FKTN: variants seen among roughly 807,000 people sequenced by gnomAD.
FKTN encodes ribitol-5-phosphate transferase FKTN.
A neutral mutation model predicts 58.6 loss-of-function variants in FKTN; 47 were observed. The observed-to-expected ratio is 0.80, with a 90% CI of 0.63 to 1.02. The LOEUF is 1.02. FKTN is among the 50% of genes least tolerant of loss of function. The pLI is 0.00. For synonymous variants in FKTN, 178 were observed against 191.9 expected, an observed-to-expected ratio of 0.93 and a Z score of 0.60; for missense variants, 516 against 537.3, an observed-to-expected ratio of 0.96 and a Z score of 0.39.
chr9:105,607,043 C>T (rs1015655048), intron 6 of FKTN, among the ~76,000 whole-genome samples: 11 of 151,804 alleles, frequency 7.2e-5, no homozygotes, highest in African/African-American at 2.7e-4. Flanking sequence ...TTTTTTAAAG[C>T]TTTGTGAATT....
chr9:105,623,878 G>A lies in FKTN; in HGVS notation c.1172+3817G>A, dbSNP rs529575298. Among the ~76,000 whole-genome samples the A allele has an allele frequency of 1.2e-4, 19 of 152,314 alleles. No individual in the cohort carries two copies. In the South Asian group the frequency reaches 3.7e-3, roughly 30 times the overall value. On this transcript the variant is annotated intron_variant, in intron 10 of 10. Transcript: ENST00000357998. ...AATGGCAAAGAAGTGTGGCTTACAA[G>A]TAGAGAAATTTGTTAGGTAGACTTA...
At position 105,635,054 on chromosome 9, in the gene FKTN, C is replaced by G. The variant is rs1203741361; in HGVS notation, c.1176C>G (p.Tyr392Ter). ...TQAKTGKKFKYLFPKFTLCWT... is the reference protein window; with the variant it reads ...TQAKTGKKFK ...TAATCCCTCTGTTTTGCTGCAGATA[C>G]CTGTTTCCGAAGTTTACACTGTGCT... The change falls in exon 11 of 11, where the codon TAC becomes TAG. Residue 392 changes from tyrosine to a stop codon, truncating the protein, a stop_gained. Coordinates refer to ENST00000357998, the MANE Select transcript of FKTN (RefSeq NM_001079802.2). LOFTEE classifies it high-confidence loss of function. 3 of 1,613,868 alleles carry G rather than the reference C, an allele frequency of 1.9e-6. No individual in the cohort carries two copies. The highest frequency in any genetic ancestry group is 2.5e-6 in the Non-Finnish European group (3 of 1,179,822).
intron 10 of FKTN, among the ~76,000 whole-genome samples, chr9:105,632,427 AAT>A (rs1554766276): frequency 1.7e-4 from 25 of 148,090 alleles, no homozygotes; most frequent in East Asian, 1.6e-3. Context: ...AATAAAAAAA[AAT>A]ATATATATAT....
chr9:105,596,370 T>G (rs1431470479), intron 3 of FKTN, among the ~76,000 whole-genome samples: 1 of 152,224 alleles, frequency 6.6e-6, no homozygotes, highest in Non-Finnish European at 1.5e-5. Context: ...TACCTTATTA[T>G]TTAATAACTT....
intron 3 of FKTN, among the ~76,000 whole-genome samples, chr9:105,581,841 C>A (rs199834846): frequency 6.6e-6 from 1 of 152,176 alleles, no homozygotes; most frequent in African/African-American, 2.4e-5. Context: ...TAGGACCCTC[C>A]GAGCCAGGTG....
chr9:105,566,839 C>T (rs987465741), intron 1 of FKTN, among the ~76,000 whole-genome samples: 5 of 151,880 alleles, frequency 3.3e-5, no homozygotes, highest in South Asian at 4.2e-4. Context: ...AGAGACATAA[C>T]AAAAAAAGAG....
chr9:105,627,801 CTG>C (rs1832914531), intron 10 of FKTN, among the ~76,000 whole-genome samples: 1 of 152,040 alleles, frequency 6.6e-6, no homozygotes, highest in South Asian at 2.1e-4. Flanking sequence ...GCTGATTTGT[CTG>C]TCCTTTCTAT....
At chr9:105,620,402 G>A (rs1189850625) in intron 10 of FKTN, among the ~76,000 whole-genome samples, 1 of 152,050 alleles carries the variant, frequency 6.6e-6, no homozygotes, top group Admixed American at 6.5e-5. Context: ...CCTAATTTGT[G>A]GCCTTTAGAT....
intron 10 of FKTN, among the ~76,000 whole-genome samples, chr9:105,621,627 G>A (rs1326458760): frequency 6.6e-6 from 1 of 151,602 alleles, no homozygotes. Flanking sequence ...ACATATGCTC[G>A]TATACATATA....
intron 3 of FKTN, among the ~76,000 whole-genome samples, chr9:105,581,740 GC>G (rs1842960049): frequency 6.6e-6 from 1 of 152,204 alleles, no homozygotes; most frequent in Non-Finnish European, 1.5e-5. Context: ...GCAAGCCTGG[GC>G]AATGGCGGGC....
rs1307342254 is a variant in FKTN at position 105,635,983 on chromosome 9, T to C, written c.*719T>C. 2.0e-6 allele frequency: 2 copies of C among 985,650 alleles called. No homozygotes were observed. The highest frequency in any genetic ancestry group is 4.7e-5 in the South Asian group (1 of 21,320). The allele number at this position is 985,650 out of a possible 1,614,324, so 61.1% of individuals were successfully genotyped here. A position where few individuals can be genotyped will look rare whatever the true frequency, so the allele number is the denominator to read the frequency against. On this transcript the variant is annotated 3_prime_UTR_variant, in exon 11 of 11. Transcript: ENST00000357998. ...GTTTAATGCTTAAATTTCCATCCAT[T>C]GTGAGAATATTTTCACTGACCTCTG...
intron 3 of FKTN, among the ~76,000 whole-genome samples, chr9:105,582,248 G>C (rs1026579808): frequency 6.8e-6 from 1 of 147,174 alleles, no homozygotes; most frequent in Non-Finnish European, 1.5e-5. Context: ...CTGAAGTACA[G>C]TGGCATAATC....
chr9:105,616,395 A>T (rs925164066), intron 8 of FKTN, among the ~76,000 whole-genome samples: 4 of 152,156 alleles, frequency 2.6e-5, no homozygotes, highest in Admixed American at 2.6e-4. Flanking sequence ...GTCTTCCATC[A>T]GCCTTTCCTA....
chr9:105,578,183 C>T (rs1242243436), intron 3 of FKTN, among the ~76,000 whole-genome samples: 7 of 149,614 alleles, frequency 4.7e-5, no homozygotes, highest in African/African-American at 1.7e-4. Flanking sequence ...CCTAATTGCC[C>T]TGGCCAGAAC....
At position 105,640,400 on chromosome 9, in the gene FKTN, A is replaced by C. The variant is rs1158548762; in HGVS notation, c.*5136A>C. 4 of 308,784 alleles carry C rather than the reference A, an allele frequency of 1.3e-5. No homozygotes were observed. The highest frequency in any genetic ancestry group is 2.2e-5 in the African/African-American group (1 of 46,206). 19.1% of individuals were successfully genotyped at this position (308,784 alleles called of 1,614,324 possible). ...ACCCCGTCTCTTCTAAAAATACAAA[A>C]AAATTAGCTGGGCATGGTGGTGCAC... On this transcript the variant is annotated 3_prime_UTR_variant, in exon 11 of 11. Coordinates refer to ENST00000357998, the MANE Select transcript of FKTN (RefSeq NM_001079802.2).
chr9:105,595,212 C>T (rs916073340), intron 3 of FKTN, among the ~76,000 whole-genome samples: 2 of 151,998 alleles, frequency 1.3e-5, no homozygotes, highest in Non-Finnish European at 2.9e-5. Flanking sequence ...AACATAGTTT[C>T]TTTTTGGAGT....
intron 10 of FKTN, among the ~76,000 whole-genome samples, chr9:105,620,720 GT>G (rs1185788532): frequency 6.6e-6 from 1 of 151,974 alleles, no homozygotes; most frequent in Non-Finnish European, 1.5e-5. Context: ...GCTTTGAGGT[GT>G]GTCAGGAGGT....
At chr9:105,619,542 G>A (rs1420597204) in intron 9 of FKTN, among the ~76,000 whole-genome samples, 1 of 152,068 alleles carries the variant, frequency 6.6e-6, no homozygotes, top group Non-Finnish European at 1.5e-5. Context: ...CTTATTGATT[G>A]TTATGAGAGA....
chr9:105,577,973 G>C (rs1842072292), intron 3 of FKTN, among the ~76,000 whole-genome samples: 2 of 151,214 alleles, frequency 1.3e-5, no homozygotes, highest in South Asian at 2.1e-4. Context: ...CTCTGTTTGT[G>C]TGTTGTTGGT....
Sources: allele counts gnomAD v4.1 joint callset (sites outside exome capture counted in the v4.1 genomes callset), GRCh38; gene constraint gnomAD v4.1.1; transcripts MANE v1.5; gene names NCBI Gene and HGNC (gene_info 2026-07-23, HGNC 2026-07-21).